The following HMGA1 variants were observed in gnomAD, a reference collection of about 807,000 sequenced individuals.
HMGA1 encodes the protein high mobility group AT-hook 1.
In HMGA1, 1 loss-of-function variant was observed where a neutral mutation model predicts 15.1. The observed-to-expected ratio is 0.07, with a 90% CI of 0.02 to 0.31. The LOEUF is 0.31. Among genes scored for constraint, HMGA1 ranks in the 10% least tolerant of loss-of-function variants. HMGA1 has a pLI of 1.00. For missense variants in HMGA1, 94 were observed against 141.4 expected (o/e 0.66, Z 1.70); for synonymous variants, 56 against 54.8 (o/e 1.02, Z -0.10).
chr6:34,242,759 A>G lies in HMGA1; in HGVS notation c.183A>G (p.Pro61=). 6.3e-7 allele frequency: 1 copy of G among 1,593,632 alleles called. No individual in the cohort carries two copies. The highest frequency in any genetic ancestry group is 8.6e-7 in the Non-Finnish European group (1 of 1,168,548). ...VPTPKRPRGR[P]KGSKNKGAAK... is the part of the protein sequence containing the mutation. The stretch of plus-strand genomic sequence containing the variant: ...CACCTAAGAGACCTCGGGGCCGACC[A>G]AAGGGAAGCAAAAACAAGGGTGCTG... Residue 61 remains proline (P), a synonymous_variant, in exon 4 of 6, where the codon CCA becomes CCG. Transcript: ENST00000311487.
At chr6:34,241,779 C>A (rs1430862834) in intron 3 of HMGA1, among the ~76,000 whole-genome samples, 2 of 152,198 alleles carry the variant, frequency 1.3e-5, no homozygotes, top group Non-Finnish European at 2.9e-5. Context: ...GACCTCTGCC[C>A]CTTAAACATG....
intron 2 of HMGA1, among the ~76,000 whole-genome samples, chr6:34,240,332 A>G (rs1192740564): frequency 1.3e-5 from 2 of 152,146 alleles, no homozygotes; most frequent in African/African-American, 2.4e-5. Flanking sequence ...TCTCTTAAAG[A>G]GAAAGGGCAG....
At position 34,246,151 on chromosome 6, in the gene HMGA1, C is replaced by T. The variant is rs879394138; in HGVS notation, c.*1267C>T. On this transcript the variant is annotated 3_prime_UTR_variant, in exon 6 of 6. Transcript: ENST00000311487. ...CCCCTGTTCTGTTGGGGAGGGGTAG[C>T]CATGATTTGTCCCAGCCTGGGGCTC... The T allele has an allele frequency of 2.6e-4, 64 of 245,282 alleles. No individual in the cohort carries two copies. The highest frequency in any genetic ancestry group is 4.8e-4 in the Non-Finnish European group (60 of 125,336). 15.2% of individuals were successfully genotyped at this position (245,282 alleles called of 1,614,324 possible). A position where few individuals can be genotyped will look rare whatever the true frequency, so the allele number is the denominator to read the frequency against.
At position 34,245,399 on chromosome 6, in the gene HMGA1, AG is replaced by A. The variant is rs1230500897; in HGVS notation, c.*521del. On this transcript the variant is annotated 3_prime_UTR_variant, in exon 6 of 6. Coordinates refer to ENST00000311487, the MANE Select transcript of HMGA1 (RefSeq NM_145899.3). ...TGGCAGCAGCAGGTGTGGCCAATGGAGGGGGGTGCTGGCCCCCAGGATTCCC... is the reference window on the plus strand; with the variant it reads ...TGGCAGCAGCAGGTGTGGCCAATGGAGGGGGTGCTGGCCCCCAGGATTCCC... 5.2e-6 allele frequency: 7 copies of A among 1,357,040 alleles called. No individual in the cohort carries two copies. The African/African-American group carries it at 8.6e-5, about 17-fold the overall frequency. The allele number at this position is 1,357,040 out of a possible 1,614,324, so 84.1% of individuals were successfully genotyped here. A position where few individuals can be genotyped will look rare whatever the true frequency, so the allele number is the denominator to read the frequency against.
chr6:34,237,703 G>GCCCGAGCCCGAT (rs1761910435), intron 2 of HMGA1, among the ~76,000 whole-genome samples: 1 of 149,034 alleles, frequency 6.7e-6, no homozygotes, highest in South Asian at 2.1e-4. Flanking sequence ...CCGAGCCCGA[G>GCCCGAGCCCGAT]CCCGGGCCCG....
At chr6:34,241,539 G>T (rs1433779054) in intron 3 of HMGA1, among the ~76,000 whole-genome samples, 1 of 152,200 alleles carries the variant, frequency 6.6e-6, no homozygotes, top group Middle Eastern at 3.2e-3. Context: ...TGGGGAGTTG[G>T]TGGCAGTGAC....
chr6:34,244,760 T>TC, intron 5 of HMGA1, 71 bp from the exon 6 acceptor site: 2 of 1,321,304 alleles, frequency 1.5e-6, no homozygotes, highest in Non-Finnish European at 2.1e-6. Flanking sequence ...AGGGAGCGGG[T>TC]GGGGCCAGCC....
At chr6:34,243,361 TG>T (rs1309835754) in intron 4 of HMGA1, 106 bp from the exon 5 acceptor site, 1 of 862,930 alleles carries the variant, frequency 1.2e-6, no homozygotes, top group African/African-American at 1.7e-5. Context: ...GTGAGAGTGT[TG>T]GGTCACCCTG....
chr6:34,241,324 A>G (rs974144013), intron 3 of HMGA1, among the ~76,000 whole-genome samples: 2 of 152,218 alleles, frequency 1.3e-5, no homozygotes, highest in South Asian at 4.1e-4. Context: ...CATTAGATTC[A>G]GTGCACGTAA....
rs1248961791 is a variant in HMGA1 at position 34,246,042 on chromosome 6, G to T, written c.*1158G>T. 1.2e-5 allele frequency: 3 copies of T among 259,180 alleles called. No individual in the cohort carries two copies. The highest frequency in any genetic ancestry group is 1.3e-4 in the East Asian group (2 of 15,808). 16.1% of individuals were successfully genotyped at this position (259,180 alleles called of 1,614,324 possible). ...GACCGACTACCCCAGTCCCAGGGAA[G>T]GTGGGGCCCTGCCCCTAGGATGCTG... On this transcript the variant is annotated 3_prime_UTR_variant, in exon 6 of 6. Transcript: ENST00000311487.
intron 3 of HMGA1, among the ~76,000 whole-genome samples, chr6:34,242,064 C>T (rs989662364): frequency 5.3e-5 from 8 of 152,174 alleles, no homozygotes; most frequent in African/African-American, 1.9e-4. Flanking sequence ...CAGTAGCTGG[C>T]GCGCCTTCAC....
In HMGA1 at chr6:34,246,209, TA is replaced by T. The variant is rs931062273; in HGVS notation, c.*1333del. 1.2e-4 allele frequency: 34 copies of T among 288,868 alleles called. No individual in the cohort carries two copies. The highest frequency in any genetic ancestry group is 3.2e-4 in the East Asian group (6 of 18,672). The allele number at this position is 288,868 out of a possible 1,614,324, so 17.9% of individuals were successfully genotyped here. On this transcript the variant is annotated 3_prime_UTR_variant, in exon 6 of 6. Transcript: ENST00000311487. ...GGTTTCCTATTTGCAGTTACTTGAA[TA>T]AAAAAAATATCCTTTTCTGGACTGG...
chr6:34,243,333 C>G (rs1762453481), intron 4 of HMGA1, 135 bp from the exon 5 acceptor site: 1 of 737,624 alleles, frequency 1.4e-6, no homozygotes, highest in Non-Finnish European at 2.4e-6. Context: ...GCCAGCTGGA[C>G]TTGGGTGGGC....
Position 34,242,617 on chromosome 6 carries a change from C to G in HMGA1, c.136-95C>G, listed in dbSNP as rs1762394239. The G allele has an allele frequency of 4.7e-6, 4 of 850,030 alleles. No homozygotes were observed. The South Asian group carries it at 5.8e-5, about 12-fold the overall frequency. 52.7% of individuals were successfully genotyped at this position (850,030 alleles called of 1,614,324 possible). A position where few individuals can be genotyped will look rare whatever the true frequency, so the allele number is the denominator to read the frequency against. ...GATGGTTTGTGGTTCTTGGTTCTTG[C>G]TGACTTAACCTTGTTGAGGAGGCAG... On this transcript the variant is annotated intron_variant, in intron 3 of 5. Transcript: ENST00000311487.
At chr6:34,244,712 G>C (rs1581813941) in intron 5 of HMGA1, 119 bp from the exon 6 acceptor site, 4 of 810,868 alleles carry the variant, frequency 4.9e-6, no homozygotes, top group Non-Finnish European at 8.5e-6. Flanking sequence ...CACACACTCA[G>C]CCCTGACTCA....
chr6:34,236,991 C>T (rs1371329181), intron 1 of HMGA1, 28 bp downstream of exon 1: 5 of 152,010 alleles, frequency 3.3e-5, no homozygotes, highest in Non-Finnish European at 7.4e-5. Flanking sequence ...CCGGTGGCTT[C>T]TTTTTTTTAT....
intron 2 of HMGA1, 60 bp from the exon 3 acceptor site, chr6:34,240,677 G>A: frequency 7.5e-7 from 1 of 1,331,572 alleles, no homozygotes; most frequent in East Asian, 2.4e-5. Context: ...TGTGGGTGAT[G>A]AGGGGGTAGA....
intron 2 of HMGA1, among the ~76,000 whole-genome samples, chr6:34,240,194 C>T (rs1255916661): frequency 6.6e-6 from 1 of 152,164 alleles, no homozygotes; most frequent in Non-Finnish European, 1.5e-5. Context: ...TCTTTTTGGT[C>T]CTGAGTCTTG....
intron 3 of HMGA1, among the ~76,000 whole-genome samples, chr6:34,241,805 C>T (rs1243159788): frequency 6.6e-6 from 1 of 152,218 alleles, no homozygotes; most frequent in Non-Finnish European, 1.5e-5. Context: ...GGTTGTTCAC[C>T]TGCAGGTTTT....
Sources: allele counts gnomAD v4.1 joint callset (sites outside exome capture counted in the v4.1 genomes callset), GRCh38; gene constraint gnomAD v4.1.1; transcripts MANE v1.5; gene names NCBI Gene and HGNC (gene_info 2026-07-23, HGNC 2026-07-21).